HACE1: variants seen among roughly 807,000 people sequenced by gnomAD.
The protein encoded by HACE1 is HECT domain and ankyrin repeat containing E3 ubiquitin protein ligase 1.
In HACE1, 73 loss-of-function variants were observed where a neutral mutation model predicts 118.4. The observed-to-expected ratio is 0.62, with a 90% CI of 0.51 to 0.75. HACE1 has a LOEUF of 0.75. Among genes scored for constraint, HACE1 ranks in the 30% least tolerant of loss-of-function variants. The pLI, the probability that HACE1 is intolerant of heterozygous loss-of-function variation, is 0.00. For missense variants in HACE1, 749 were observed against 1,102.2 expected (o/e 0.68, Z 4.54); for synonymous variants, 368 against 374.8 (o/e 0.98, Z 0.21).
chr6:104,829,792 T>C (rs1225264414), intron 6 of HACE1, among the ~76,000 whole-genome samples: 1 of 152,118 alleles, frequency 6.6e-6, no homozygotes, highest in Non-Finnish European at 1.5e-5. Flanking sequence ...ATCACCACAA[T>C]GAAGTCAGAC....
rs779370563 is a variant in HACE1 at position 104,859,555 on chromosome 6, G to A, written c.76+12C>T. Reference sequence around the variant, plus strand: ...AGCCCCGCGGCCAGCCTGGCCCCGCGACCCGGCTCACCCTCGGGCAACTCC... The same window carrying A: ...AGCCCCGCGGCCAGCCTGGCCCCGCAACCCGGCTCACCCTCGGGCAACTCC... On this transcript the variant is annotated intron_variant, in intron 1 of 23. Transcript: ENST00000262903. The A allele has an allele frequency of 7.9e-6, 12 of 1,511,748 alleles. No individual in the cohort carries two copies. The highest frequency in any genetic ancestry group is 2.6e-5 in the East Asian group (1 of 37,852). 93.6% of individuals were successfully genotyped at this position (1,511,748 alleles called of 1,614,324 possible). A position where few individuals can be genotyped will look rare whatever the true frequency, so the allele number is the denominator to read the frequency against.
chr6:104,804,269 C>T (rs373749548), intron 7 of HACE1, among the ~76,000 whole-genome samples: 9 of 152,180 alleles, frequency 5.9e-5, no homozygotes, highest in African/African-American at 1.7e-4. Flanking sequence ...GAATCAATAT[C>T]GTGAAAATGG....
At chr6:104,836,402 G>C (rs947784026) in intron 5 of HACE1, among the ~76,000 whole-genome samples, 4 of 152,200 alleles carry the variant, frequency 2.6e-5, no homozygotes, top group African/African-American at 7.2e-5. Context: ...AAATACAAAA[G>C]ACATACAAAC....
intron 7 of HACE1, among the ~76,000 whole-genome samples, chr6:104,810,899 C>A (rs1247846157): frequency 6.6e-6 from 1 of 151,946 alleles, no homozygotes; most frequent in Non-Finnish European, 1.5e-5. Context: ...CAGCTTATCC[C>A]ACTGGAAATG....
At chr6:104,814,245 A>G (rs1391016853) in intron 6 of HACE1, among the ~76,000 whole-genome samples, 1 of 137,832 alleles carries the variant, frequency 7.3e-6, no homozygotes, top group Non-Finnish European at 1.6e-5. Flanking sequence ...CTAGTCTATT[A>G]AATCAAAAGA....
chr6:104,807,038 T>C (rs941866208), intron 7 of HACE1, among the ~76,000 whole-genome samples: 22 of 150,796 alleles, frequency 1.5e-4, no homozygotes, highest in East Asian at 7.8e-4. Context: ...TTTTTTTTTT[T>C]CTTGAGATGG....
At chr6:104,747,075 G>A (rs979695310) in intron 20 of HACE1, among the ~76,000 whole-genome samples, 2 of 151,786 alleles carry the variant, frequency 1.3e-5, no homozygotes, top group Non-Finnish European at 2.9e-5. Context: ...CAGATGAAAT[G>A]AGAATTCCAG....
At chr6:104,797,780 T>C (rs2114882165) in intron 7 of HACE1, among the ~76,000 whole-genome samples, 1 of 152,084 alleles carries the variant, frequency 6.6e-6, no homozygotes, top group South Asian at 2.1e-4. Context: ...TCTTAAGAAA[T>C]GCCCAGGGCC....
chr6:104,821,468 A>C (rs1271943081), intron 6 of HACE1, among the ~76,000 whole-genome samples: 1 of 152,234 alleles, frequency 6.6e-6, no homozygotes, highest in Non-Finnish European at 1.5e-5. Flanking sequence ...AACTGTAATA[A>C]AGAAATTTTA....
At chr6:104,731,408 T>TA (rs1775186900) in intron 22 of HACE1, 1 of 151,840 alleles carries the variant, frequency 6.6e-6, no homozygotes, top group African/African-American at 2.4e-5. Flanking sequence ...TCAAATAGCC[T>TA]AAACAGTCTA....
At chr6:104,742,878 C>T (rs1185152720) in intron 22 of HACE1, among the ~76,000 whole-genome samples, 1 of 151,908 alleles carries the variant, frequency 6.6e-6, no homozygotes, top group Admixed American at 6.6e-5. Context: ...TTTATTGCGG[C>T]ATTATTCACA....
intron 14 of HACE1, among the ~76,000 whole-genome samples, chr6:104,782,059 A>G (rs958231840): frequency 2.0e-5 from 3 of 152,150 alleles, no homozygotes; most frequent in Middle Eastern, 6.8e-3. Context: ...TTGGCAATTA[A>G]AAGTAACTGC....
chr6:104,785,089 CT>C lies in HACE1; in HGVS notation c.1304del (p.Gln435ArgfsTer13). Reference sequence around the variant, plus strand: ...CATCCTGACAATCTGCACTGGCTTCCTGTCTCCCTGCAAGAGCATCTGGTTT... The same window carrying C: ...CATCCTGACAATCTGCACTGGCTTCCGTCTCCCTGCAAGAGCATCTGGTTT... ...ESKPDALAGRQEASADCQDVI... is the reference protein window; with the variant it reads ...ESKPDALAGRXEASADCQDVI... On this transcript the variant is annotated frameshift_variant, in exon 12 of 24. Transcript: ENST00000262903. LOFTEE classifies it high-confidence loss of function. 1 of 1,613,798 alleles carries C rather than the reference CT, an allele frequency of 6.2e-7. No individual in the cohort carries two copies. The highest frequency in any genetic ancestry group is 8.5e-7 in the Non-Finnish European group (1 of 1,179,764).
rs1782192926 is a variant in HACE1, at chr6:104,785,008, G to A, written c.1386C>T (p.Cys462=). 4 of 1,612,946 alleles carry A rather than the reference G, an allele frequency of 2.5e-6. No homozygotes were observed. Among genetic ancestry groups the A allele is most frequent in the Non-Finnish European group, 3.4e-6 (4 of 1,179,342 alleles). ...ACCCCGGAGGCATCTGACAAGAACA[G>A]CACATGTAAAAAGCTTGAATGACAG... ...LSAVIQAFYM[C]CSCQMPPGMT... The change falls in exon 12 of 24, where the codon TGC becomes TGT. Residue 462 remains cysteine (C), a synonymous_variant. Transcript: ENST00000262903.
chr6:104,807,891 A>G (rs1771189559), intron 7 of HACE1, among the ~76,000 whole-genome samples: 1 of 152,138 alleles, frequency 6.6e-6, no homozygotes, highest in Non-Finnish European at 1.5e-5. Flanking sequence ...ACTACATTAT[A>G]AAACAGTGCC....
chr6:104,729,888 T>G, intron 23 of HACE1, 124 bp from the exon 24 acceptor site: 1 of 685,792 alleles, frequency 1.5e-6, no homozygotes, highest in Non-Finnish European at 2.6e-6. Context: ...GCATTCAGAT[T>G]GAAAAACCCT....
intron 2 of HACE1, 118 bp downstream of exon 2, chr6:104,852,199 C>CTGTGTGTG (rs543674376): frequency 0.016 from 10,546 of 641,578 alleles, 270 homozygotes; most frequent in African/African-American, 0.11. Context: ...TCCAAACTGT[C>CTGTGTGTG]TGTGTGTGTG....
chr6:104,753,648 G>T (rs1428807273), intron 19 of HACE1, among the ~76,000 whole-genome samples: 1 of 152,082 alleles, frequency 6.6e-6, no homozygotes, highest in Admixed American at 6.6e-5. Flanking sequence ...AACCACAGCA[G>T]CCCTATATAC....
At chr6:104,803,550 C>T (rs765288556) in intron 7 of HACE1, among the ~76,000 whole-genome samples, 4 of 152,170 alleles carry the variant, frequency 2.6e-5, no homozygotes, top group Admixed American at 1.3e-4. Flanking sequence ...GGATGCAAGG[C>T]TGGCTCAACA....
Sources: allele counts gnomAD v4.1 joint callset (sites outside exome capture counted in the v4.1 genomes callset), GRCh38; gene constraint gnomAD v4.1.1; transcripts MANE v1.5; gene names NCBI Gene and HGNC (gene_info 2026-07-23, HGNC 2026-07-21).